The following EVL variants were observed in gnomAD, a reference collection of about 807,000 sequenced individuals.
EVL encodes ena/VASP-like protein.
In EVL, 21 loss-of-function variants were observed where a neutral mutation model predicts 59.6. That is an observed-to-expected ratio of 0.35 (90% CI 0.25 to 0.51). The LOEUF is 0.51. Among genes scored for constraint, EVL ranks in the 20% least tolerant of loss-of-function variants. The probability of loss-of-function intolerance (pLI) is 0.97; values close to 1 mark genes in which losing one functional copy is unlikely to be tolerated. For synonymous variants in EVL, 198 were observed against 203.5 expected, an observed-to-expected ratio of 0.97 and a Z score of 0.23; for missense variants, 462 against 546.6, an observed-to-expected ratio of 0.85 and a Z score of 1.54.
At chr14:100,056,525 T>G (rs1283500656) in intron 1 of EVL, among the ~76,000 whole-genome samples, 1 of 152,224 alleles carries the variant, frequency 6.6e-6, no homozygotes, top group Non-Finnish European at 1.5e-5. Flanking sequence ...TAGAGGTTGC[T>G]TCATTTGTTA....
intron 7 of EVL, among the ~76,000 whole-genome samples, chr14:100,131,990 A>G (rs1017773253): frequency 1.3e-5 from 2 of 152,100 alleles, no homozygotes; most frequent in Non-Finnish European, 2.9e-5. Context: ...GACCAGCTCC[A>G]TGCTTGATGG....
At chr14:99,999,606 T>C (rs1338982504) in intron 1 of EVL, among the ~76,000 whole-genome samples, 9 of 152,212 alleles carry the variant, frequency 5.9e-5, no homozygotes, top group Non-Finnish European at 1.3e-4. Flanking sequence ...GAGACCAGCC[T>C]GAGCAACACA....
In EVL at chr14:100,001,727, C is replaced by T. The variant is rs906642109; in HGVS notation, c.5+29670C>T. ...GGCTCCTGGGCCTGTCAGAAAGTGACATTCTTTACTTACCACAGGTCAGGA... is the reference window on the plus strand; with the variant it reads ...GGCTCCTGGGCCTGTCAGAAAGTGATATTCTTTACTTACCACAGGTCAGGA... On this transcript the variant is annotated intron_variant, in intron 1 of 13. Coordinates refer to the EVL transcript ENST00000402714. Among the ~76,000 whole-genome samples the T allele has an allele frequency of 7.9e-5, 12 of 152,278 alleles. No individual in the cohort carries two copies. The East Asian group carries it at 1.9e-3, about 25-fold the overall frequency.
chr14:100,092,509 C>A (rs908547630), intron 2 of EVL, among the ~76,000 whole-genome samples: 1 of 152,106 alleles, frequency 6.6e-6, no homozygotes, highest in Non-Finnish European at 1.5e-5. Flanking sequence ...CCGAGGTGGG[C>A]AGATCACCTG....
chr14:100,077,346 A>G (rs982199070), intron 1 of EVL, among the ~76,000 whole-genome samples: 2 of 152,260 alleles, frequency 1.3e-5, no homozygotes, highest in Non-Finnish European at 2.9e-5. Context: ...AATGGCCTTC[A>G]GGTTTCAGAC....
intron 13 of EVL, among the ~76,000 whole-genome samples, chr14:100,143,434 A>G (rs1889320704): frequency 6.6e-6 from 1 of 152,000 alleles, no homozygotes. Flanking sequence ...CAGTGAGGCC[A>G]CAGGCAGGGC....
At chr14:100,019,618 C>T in intron 1 of EVL, 4 of 1,511,098 alleles carry the variant, frequency 2.6e-6, no homozygotes, top group Non-Finnish European at 3.5e-6. Context: ...GTCCTCCATA[C>T]CAAAAAGACT....
At chr14:100,138,695 CAA>C (rs1483440657) in intron 11 of EVL, 1 of 152,396 alleles carries the variant, frequency 6.6e-6, no homozygotes, top group African/African-American at 2.4e-5. Context: ...TCCCTGCCTG[CAA>C]AGAGCACCGT....
At chr14:100,018,331 TG>T (rs767526067) in intron 1 of EVL, among the ~76,000 whole-genome samples, 2 of 152,248 alleles carry the variant, frequency 1.3e-5, no homozygotes, top group African/African-American at 2.4e-5. Context: ...AGGGAGGTCC[TG>T]ACAGATTTTG....
At chr14:100,138,973 GGGGCAGGGGAAC>G (rs1888985886) in intron 11 of EVL, 1 of 152,620 alleles carries the variant, frequency 6.6e-6, no homozygotes, top group South Asian at 2.1e-4. Context: ...GACAGGCCAT[GGGGCAGGGGAAC>G]GGGAAGGGTG....
intron 1 of EVL, among the ~76,000 whole-genome samples, chr14:100,047,254 C>G (rs556469610): frequency 2.0e-5 from 3 of 151,212 alleles, no homozygotes; most frequent in Non-Finnish European, 4.4e-5. Context: ...CAGTCTCTTA[C>G]CTAAAGTAGA....
chr14:100,019,585 A>G, intron 1 of EVL: 1 of 1,295,208 alleles, frequency 7.7e-7, no homozygotes, highest in Non-Finnish European at 1.0e-6. Flanking sequence ...TGCACTTTGC[A>G]CCATCTGACT....
At chr14:100,120,052 G>A (rs1360083008) in intron 3 of EVL, among the ~76,000 whole-genome samples, 1 of 152,206 alleles carries the variant, frequency 6.6e-6, no homozygotes, top group African/African-American at 2.4e-5. Context: ...TGAGAAAAAG[G>A]CTGGGTCAGC....
intron 1 of EVL, among the ~76,000 whole-genome samples, chr14:100,057,745 T>C (rs1170983174): frequency 6.6e-6 from 1 of 152,210 alleles, no homozygotes; most frequent in Non-Finnish European, 1.5e-5. Flanking sequence ...CTCTGGCAGA[T>C]CCAATTTCCA....
chr14:100,055,544 G>A (rs1258745540), intron 1 of EVL, among the ~76,000 whole-genome samples: 1 of 152,168 alleles, frequency 6.6e-6, no homozygotes, highest in Non-Finnish European at 1.5e-5. Flanking sequence ...TTCCTTACAT[G>A]TATATGATAG....
chr14:100,055,280 G>C (rs1447819292), intron 1 of EVL, among the ~76,000 whole-genome samples: 1 of 151,520 alleles, frequency 6.6e-6, no homozygotes, highest in Non-Finnish European at 1.5e-5. Context: ...ATAATATGTG[G>C]CCTTTCGTGT....
chr14:99,985,274 G>T (rs527571871), intron 1 of EVL, among the ~76,000 whole-genome samples: 1 of 152,042 alleles, frequency 6.6e-6, no homozygotes, highest in South Asian at 2.1e-4. Context: ...CAGAAAAGAG[G>T]TATGAACGAC....
At chr14:100,037,957 A>G (rs778430039) in intron 1 of EVL, among the ~76,000 whole-genome samples, 15 of 152,244 alleles carry the variant, frequency 9.9e-5, no homozygotes, top group Non-Finnish European at 1.6e-4. Flanking sequence ...TCAGCAAGTT[A>G]GAAATTACAG....
chr14:100,076,560 G>A (rs72711927), intron 1 of EVL, among the ~76,000 whole-genome samples: 2,711 of 152,292 alleles, frequency 0.018, 35 homozygotes, highest in Non-Finnish European at 0.027. Flanking sequence ...CTCAGAGAAG[G>A]ACCATCTAAC....
Sources: allele counts gnomAD v4.1 joint callset (sites outside exome capture counted in the v4.1 genomes callset), GRCh38; gene constraint gnomAD v4.1.1; transcripts MANE v1.5; gene names NCBI Gene and HGNC (gene_info 2026-07-23, HGNC 2026-07-21).